ADARB1: variants seen among roughly 807,000 people sequenced by gnomAD.
ADARB1 encodes double-stranded RNA-specific editase 1.
Under a neutral mutation model 52.4 loss-of-function variants are expected in ADARB1, and 10 were observed. The ratio of observed to expected loss-of-function variants is 0.19; its 90% CI spans 0.12 to 0.32. ADARB1 has a LOEUF of 0.32. Ranked by LOEUF, ADARB1 falls within the 10% of genes least tolerant of loss-of-function variation. The pLI, the probability that ADARB1 is intolerant of heterozygous loss-of-function variation, is 1.00. For synonymous variants in ADARB1, 349 were observed against 371.1 expected (o/e 0.94, Z 0.68); for missense variants, 643 against 922.3 (o/e 0.70, Z 3.92).
chr21:45,112,719 T>C (rs748882441), intron 1 of ADARB1, among the ~76,000 whole-genome samples: 10 of 150,834 alleles, frequency 6.6e-5, no homozygotes, highest in Admixed American at 1.3e-4. Context: ...GGTGAACATG[T>C]GATTTACTGA....
intron 5 of ADARB1, among the ~76,000 whole-genome samples, chr21:45,182,228 T>G (rs1447056295): frequency 1.3e-5 from 2 of 152,248 alleles, no homozygotes; most frequent in Non-Finnish European, 2.9e-5. Flanking sequence ...CCAGACCAGT[T>G]AGTCCACCTT....
chr21:45,116,590 C>T (rs1028719509), intron 1 of ADARB1, among the ~76,000 whole-genome samples: 1 of 152,222 alleles, frequency 6.6e-6, no homozygotes, highest in East Asian at 1.9e-4. Context: ...AAAGGTTTAA[C>T]AGACTCACAG....
intron 2 of ADARB1, among the ~76,000 whole-genome samples, chr21:45,162,020 G>T (rs750255356): frequency 2.6e-5 from 4 of 152,170 alleles, no homozygotes; most frequent in Non-Finnish European, 5.9e-5. Flanking sequence ...GAAGAACTCA[G>T]GACCTGCTGA....
intron 1 of ADARB1, among the ~76,000 whole-genome samples, chr21:45,092,775 A>G (rs1293642280): frequency 1.3e-5 from 2 of 152,236 alleles, no homozygotes; most frequent in Non-Finnish European, 2.9e-5. Context: ...AAACCAGTCA[A>G]GCTCTTTATA....
intron 1 of ADARB1, among the ~76,000 whole-genome samples, chr21:45,124,057 A>G (rs926294683): frequency 6.6e-6 from 1 of 152,232 alleles, no homozygotes; most frequent in African/African-American, 2.4e-5. Context: ...TTTATTAATG[A>G]AGTGGATTAC....
chr21:45,226,228 G>A lies in ADARB1; in HGVS notation c.*4031G>A, dbSNP rs2146497524. On this transcript the variant is annotated 3_prime_UTR_variant, in exon 11 of 11. Transcript: ENST00000348831. ...AGCTGATGGTATGTAAGGAACCGAT[G>A]GGCCATTAAACATGAACTGAACGGT... 2 of 152,620 alleles carry A rather than the reference G, an allele frequency of 1.3e-5. No homozygotes were observed. Among genetic ancestry groups the A allele is most frequent in the Middle Eastern group, 6.8e-3 (2 of 294 alleles). The allele number at this position is 152,620 out of a possible 1,614,324, so 9.5% of individuals were successfully genotyped here. A position where few individuals can be genotyped will look rare whatever the true frequency, so the allele number is the denominator to read the frequency against.
intron 2 of ADARB1, among the ~76,000 whole-genome samples, chr21:45,156,119 C>T (rs1487824185): frequency 6.6e-6 from 1 of 151,912 alleles, no homozygotes; most frequent in African/African-American, 2.4e-5. Flanking sequence ...ATCCATCCAT[C>T]CATCCACCCA....
chr21:45,138,007 A>C (rs2089487886), intron 2 of ADARB1, among the ~76,000 whole-genome samples: 1 of 152,314 alleles, frequency 6.6e-6, no homozygotes, highest in Admixed American at 6.5e-5. Flanking sequence ...CAAACTTAGA[A>C]GGGCTTTTGA....
chr21:45,203,480 C>G (rs2092604720), intron 8 of ADARB1, among the ~76,000 whole-genome samples: 1 of 152,266 alleles, frequency 6.6e-6, no homozygotes, highest in Non-Finnish European at 1.5e-5. Context: ...TACTTCACAC[C>G]CTGTGTATGT....
chr21:45,110,152 T>G (rs1309657290), intron 1 of ADARB1, among the ~76,000 whole-genome samples: 1 of 152,182 alleles, frequency 6.6e-6, no homozygotes, highest in African/African-American at 2.4e-5. Context: ...ACTTCCACAT[T>G]TTGAGAAGAA....
At position 45,178,800 on chromosome 21, in the gene ADARB1, T is replaced by C. The variant is rs958847124; in HGVS notation, c.964-1530T>C. On this transcript the variant is annotated intron_variant, in intron 4 of 10. Coordinates refer to ENST00000348831, the MANE Select transcript of ADARB1 (RefSeq NM_001112.4). ...TCCCCCAAATTAAGAGGGAAGTCCT[T>C]CATTAACCATACAGGTTAATGAGAC... is the stretch of plus-strand genomic sequence containing the variant. 3.9e-5 allele frequency among the ~76,000 whole-genome samples: 6 copies of C among 152,112 alleles called. No individual in the cohort carries two copies. In the East Asian group the frequency reaches 1.2e-3, roughly 29 times the overall value.
Position 45,208,156 on chromosome 21 carries a change from C to G in ADARB1, c.1747+3420C>G, listed in dbSNP as rs1453147695. The stretch of plus-strand genomic sequence containing the variant: ...CAGCTTCTTATTTATGTCCATTGAT[C>G]TCCTGAGTGTGAGCTCCTCAGCTGG... On this transcript the variant is annotated intron_variant, in intron 9 of 10. Coordinates refer to ENST00000348831, the MANE Select transcript of ADARB1 (RefSeq NM_001112.4). This position sits in a 1 kb window ranked among gnomAD's most constrained non-coding sequence, Gnocchi z 5.6. Among the ~76,000 whole-genome samples the G allele has an allele frequency of 6.6e-6, 1 of 152,182 alleles. No individual in the cohort carries two copies. Among genetic ancestry groups the G allele is most frequent in the Non-Finnish European group, 1.5e-5 (1 of 68,038 alleles).
chr21:45,105,250 G>A (rs542025635), intron 1 of ADARB1, among the ~76,000 whole-genome samples: 38 of 152,144 alleles, frequency 2.5e-4, no homozygotes, highest in Admixed American at 2.4e-3. Context: ...ACAGGTGCCC[G>A]CCACCACACC....
At position 45,225,446 on chromosome 21, in the gene ADARB1, C is replaced by T. The variant is rs2093045893; in HGVS notation, c.*3249C>T. ...CCAGTATCTCACAAGGCATGGATTT[C>T]TGTGGAATTTATTTTTATTCAAATA... On this transcript the variant is annotated 3_prime_UTR_variant, in exon 11 of 11. Transcript: ENST00000348831. 1 of 1,305,412 alleles carries T rather than the reference C, an allele frequency of 7.7e-7. No homozygotes were observed. Among genetic ancestry groups the T allele is most frequent in the African/African-American group, 1.5e-5 (1 of 66,472 alleles). The allele number at this position is 1,305,412 out of a possible 1,614,324, so 80.9% of individuals were successfully genotyped here.
At position 45,221,642 on chromosome 21, in the gene ADARB1, GT is replaced by G. The variant is rs2092965972; in HGVS notation, c.1927-374del. Among the ~76,000 whole-genome samples the G allele has an allele frequency of 6.6e-6, 1 of 152,202 alleles. No homozygotes were observed. On this transcript the variant is annotated intron_variant, in intron 10 of 10. Coordinates refer to ENST00000348831, the MANE Select transcript of ADARB1 (RefSeq NM_001112.4). This position sits in a 1 kb window ranked among gnomAD's most constrained non-coding sequence, Gnocchi z 4.9. ...CAAGTCCAAGGTCCACACAGAAGGA[GT>G]TACTGGCCGCATGAGGGAAGGCCTC...
intron 1 of ADARB1, among the ~76,000 whole-genome samples, chr21:45,091,307 G>A (rs1170808927): frequency 2.0e-5 from 3 of 152,152 alleles, no homozygotes; most frequent in South Asian, 4.1e-4. Context: ...GCTAGTTGAC[G>A]TTTGGCTTAA....
chr21:45,159,625 G>A (rs1044204820), intron 2 of ADARB1, among the ~76,000 whole-genome samples: 1 of 152,168 alleles, frequency 6.6e-6, no homozygotes, highest in Admixed American at 6.5e-5. Context: ...AAGAGGGGTG[G>A]CCGCATCCCT....
At chr21:45,127,979 G>A (rs371547463) in intron 1 of ADARB1, among the ~76,000 whole-genome samples, 1 of 152,162 alleles carries the variant, frequency 6.6e-6, no homozygotes, top group African/African-American at 2.4e-5. Context: ...TTCCAAACCC[G>A]GGCAGAGCAC....
At chr21:45,169,296 G>A (rs543907785) in intron 2 of ADARB1, among the ~76,000 whole-genome samples, 6 of 152,336 alleles carry the variant, frequency 3.9e-5, no homozygotes, top group East Asian at 1.9e-4. Flanking sequence ...AGCCTGGCAC[G>A]GGTGGGGCGT....
Sources: gnomAD v4.1 joint callset for allele counts (sites outside exome capture counted in the v4.1 genomes callset) on GRCh38, gnomAD v4.1.1 for gene constraint, Gnocchi (gnomAD v3.1) non-coding constraint, MANE v1.5 for transcripts, NCBI Gene and HGNC (gene_info 2026-07-23, HGNC 2026-07-21) for gene names.